Variants in GALNT13 observed in about 807,000 individuals in gnomAD.
The protein encoded by GALNT13 is UDP-GalNAc:polypeptide N-acetylgalactosaminyltransferase 13.
In GALNT13, 28 loss-of-function variants were observed where a neutral mutation model predicts 64.2. That is an observed-to-expected ratio of 0.44 (90% confidence interval 0.32 to 0.60). The LOEUF (loss-of-function observed/expected upper bound fraction) is 0.60, where lower values mean the gene tolerates loss of function less well. GALNT13 is among the 20% of genes least tolerant of loss of function. The probability of loss-of-function intolerance (pLI) is 0.05; values close to 1 mark genes in which losing one functional copy is unlikely to be tolerated. For synonymous variants in GALNT13, 214 were observed against 224.6 expected (o/e 0.95, Z 0.42); for missense variants, 577 against 669.8 (o/e 0.86, Z 1.53).
At chr2:153,537,782 G>C in the GALNT13 span, among the ~76,000 whole-genome samples, 1 of 152,124 alleles carries the variant, frequency 6.6e-6, no homozygotes, top group African/African-American at 2.4e-5. Context: ...CCTTCCTGCT[G>C]CCATGTGAAG....
the GALNT13 span, among the ~76,000 whole-genome samples, chr2:153,602,600 T>TA: frequency 6.6e-6 from 1 of 151,650 alleles, no homozygotes; most frequent in Admixed American, 6.6e-5. Context: ...GTTCTTAGTG[T>TA]AAAAAAGGAA....
chr2:153,848,310 A>T, the GALNT13 span, among the ~76,000 whole-genome samples: 1 of 152,172 alleles, frequency 6.6e-6, no homozygotes, highest in Non-Finnish European at 1.5e-5. Context: ...GAACACAGGA[A>T]CAGGGAATTG....
chr2:153,723,378 C>T, the GALNT13 span, among the ~76,000 whole-genome samples: 20 of 150,654 alleles, frequency 1.3e-4, 1 homozygote, highest in South Asian at 2.7e-3. Flanking sequence ...GAAGCATTCC[C>T]TTTGAAAACG....
chr2:153,550,626 A>G, the GALNT13 span, among the ~76,000 whole-genome samples: 1 of 152,142 alleles, frequency 6.6e-6, no homozygotes, highest in Non-Finnish European at 1.5e-5. Context: ...TATTGCTATC[A>G]CCAACAACAG....
the GALNT13 span, among the ~76,000 whole-genome samples, chr2:153,457,920 G>C: frequency 6.6e-6 from 1 of 152,098 alleles, no homozygotes; most frequent in Non-Finnish European, 1.5e-5. Flanking sequence ...TCCCCATCCT[G>C]TTGGTGAGGC....
chr2:153,389,150 T>A, the GALNT13 span, among the ~76,000 whole-genome samples: 1 of 151,980 alleles, frequency 6.6e-6, no homozygotes, highest in Non-Finnish European at 1.5e-5. Context: ...TGCATAAGAG[T>A]CTCCACATAA....
At chr2:153,958,606 C>G (rs2105086399) in intron 3 of GALNT13, among the ~76,000 whole-genome samples, 1 of 152,264 alleles carries the variant, frequency 6.6e-6, no homozygotes, top group African/African-American at 2.4e-5. Context: ...CTGTTGCACC[C>G]ATGTCTAGTA....
the GALNT13 span, among the ~76,000 whole-genome samples, chr2:153,503,477 G>T: frequency 1.3e-5 from 2 of 151,676 alleles, no homozygotes; most frequent in African/African-American, 4.8e-5. Flanking sequence ...GACTTGCTCC[G>T]TTGCCAAGGT....
chr2:153,166,971 T>A, the GALNT13 span, among the ~76,000 whole-genome samples: 1 of 152,184 alleles, frequency 6.6e-6, no homozygotes, highest in South Asian at 2.1e-4. Context: ...AGGCTCAGTA[T>A]CAGCTCTGAC....
the GALNT13 span, among the ~76,000 whole-genome samples, chr2:153,081,386 G>A: frequency 1.3e-5 from 2 of 152,060 alleles, no homozygotes; most frequent in South Asian, 2.1e-4. Flanking sequence ...CACTCTTTAC[G>A]TTATTTTAAA....
At chr2:153,720,599 T>C in the GALNT13 span, among the ~76,000 whole-genome samples, 1 of 150,110 alleles carries the variant, frequency 6.7e-6, no homozygotes, top group African/African-American at 2.5e-5. Flanking sequence ...GAATAACCAA[T>C]ACAGAGAAGT....
intron 11 of GALNT13, among the ~76,000 whole-genome samples, chr2:154,432,145 A>C (rs1272276820): frequency 1.3e-5 from 2 of 152,238 alleles, no homozygotes; most frequent in Non-Finnish European, 2.9e-5. Context: ...ACTTCAATAA[A>C]GTATACATAA....
the GALNT13 span, among the ~76,000 whole-genome samples, chr2:153,300,835 TAAAG>T: frequency 5.9e-5 from 9 of 152,292 alleles, no homozygotes; most frequent in South Asian, 4.1e-4. Flanking sequence ...TTGGAAAAAT[TAAAG>T]AAAATCATGA....
At chr2:154,194,469 G>C (rs1332802035) in intron 4 of GALNT13, among the ~76,000 whole-genome samples, 1 of 152,162 alleles carries the variant, frequency 6.6e-6, no homozygotes, top group Non-Finnish European at 1.5e-5. Context: ...GGGAAACCTA[G>C]ATTTTAGTTC....
Position 154,245,880 on chromosome 2 carries a change from A to G in GALNT13, c.755A>G (p.Asp252Gly). The G allele has an allele frequency of 6.2e-7, 1 of 1,612,618 alleles. No homozygotes were observed. The highest frequency in any genetic ancestry group is 8.5e-7 in the Non-Finnish European group (1 of 1,178,750). ...ACTTTTGAATATATGGCTGGGTCAGACATGACTTATGGGGGTTTTAACTGG... is the reference window on the plus strand; with the variant it reads ...ACTTTTGAATATATGGCTGGGTCAGGCATGACTTATGGGGGTTTTAACTGG... ...DDTFEYMAGS[D>G]MTYGGFNWKL... Residue 252 changes from aspartate to glycine, a missense_variant, in exon 7 of 13, where the codon GAC becomes GGC. Asp to Gly is a moderately conservative substitution (Grantham distance 94). This residue lies in a region of GALNT13 where 341 missense variants were observed against 379.3 expected (regional missense o/e 0.90). Coordinates refer to ENST00000392825, the MANE Select transcript of GALNT13 (RefSeq NM_052917.4).
At chr2:153,269,409 C>T in the GALNT13 span, among the ~76,000 whole-genome samples, 2 of 152,136 alleles carry the variant, frequency 1.3e-5, no homozygotes, top group Non-Finnish European at 2.9e-5. Flanking sequence ...TACTCCAGTT[C>T]CCAATAAATT....
chr2:154,172,094 T>C lies in GALNT13; in HGVS notation c.311+31589T>C, dbSNP rs528296218. 1.4e-4 allele frequency among the ~76,000 whole-genome samples: 22 copies of C among 152,120 alleles called. No homozygotes were observed. The East Asian group carries it at 4.2e-3, about 29-fold the overall frequency. On this transcript the variant is annotated intron_variant, in intron 4 of 12. Coordinates refer to ENST00000392825, the MANE Select transcript of GALNT13 (RefSeq NM_052917.4). ...TCCTGAAAAATTGAGTTTCTAACTA[T>C]CTTTGCCAAATAAATATTTTTGAGG...
chr2:154,409,153 T>G, intron 11 of GALNT13, 71 bp downstream of exon 11: 1 of 903,044 alleles, frequency 1.1e-6, no homozygotes. Flanking sequence ...GTGGAGACCA[T>G]GGCTCACATG....
chr2:153,540,766 C>G, the GALNT13 span, among the ~76,000 whole-genome samples: 15 of 152,230 alleles, frequency 9.9e-5, no homozygotes, highest in African/African-American at 3.1e-4. Context: ...TTCAAACTTG[C>G]ATGAGGCCTT....
Sources: allele counts gnomAD v4.1 joint callset (sites outside exome capture counted in the v4.1 genomes callset), GRCh38; gene constraint gnomAD v4.1.1; regional missense constraint gnomAD v4.1.1; transcripts MANE v1.5; gene names NCBI Gene and HGNC (gene_info 2026-07-23, HGNC 2026-07-21).